The following ANK3 variants were observed in gnomAD, a reference collection of about 807,000 sequenced individuals.
The protein encoded by ANK3 is ankyrin 3.
Under a neutral mutation model 370.9 loss-of-function variants are expected in ANK3, and 57 were observed. That is an observed-to-expected ratio of 0.15 (90% CI 0.12 to 0.19). The LOEUF is 0.19. Ranked by LOEUF, ANK3 falls within the 10% of genes least tolerant of loss-of-function variation. The pLI, the probability that ANK3 is intolerant of heterozygous loss-of-function variation, is 1.00. For synonymous variants in ANK3, 1,929 were observed against 1,946.3 expected (o/e 0.99, Z 0.23); for missense variants, 4,439 against 5,302.1 (o/e 0.84, Z 5.06).
chr10:60,622,780 C>G (rs915664789), intron 1 of ANK3, among the ~76,000 whole-genome samples: 3 of 152,066 alleles, frequency 2.0e-5, no homozygotes, highest in Non-Finnish European at 1.5e-5. Flanking sequence ...GAGCATAGAT[C>G]TGAAGTTAAG....
Position 60,108,872 on chromosome 10 carries a change from C to T in ANK3, c.3131G>A (p.Ser1044Asn). 1 of 1,614,130 alleles carries T rather than the reference C, an allele frequency of 6.2e-7. No homozygotes were observed. The highest frequency in any genetic ancestry group is 2.2e-5 in the East Asian group (1 of 44,878). Residue 1044 changes from serine to asparagine, a missense_variant, in exon 27 of 44, where the codon AGT (serine) becomes AAT (asparagine). Physicochemically the swap from Ser to Asn is conservative, Grantham distance 46. Transcript: ENST00000280772. ...TGCAGGACCCATTTCTACCAGCCTA[C>T]TGGCTAATCCCTCTCCTTCCACCAT... is the stretch of plus-strand genomic sequence containing the variant. ...PPMVEGEGLA[S>N]RLVEMGPAGA...
intron 15 of ANK3, 28 bp from the exon 16 acceptor site, chr10:60,196,271 A>C: frequency 6.3e-7 from 1 of 1,593,870 alleles, no homozygotes; most frequent in Non-Finnish European, 8.6e-7. Flanking sequence ...AACAACAACC[A>C]GTGTCAAAGG....
intron 2 of ANK3, among the ~76,000 whole-genome samples, chr10:60,603,044 G>T (rs760480828): frequency 8.6e-5 from 13 of 152,036 alleles, no homozygotes; most frequent in South Asian, 8.3e-4. Flanking sequence ...TGCTCCACTC[G>T]TCTTGAAACA....
At chr10:60,222,242 C>T (rs1319686104) in intron 8 of ANK3, among the ~76,000 whole-genome samples, 1 of 152,154 alleles carries the variant, frequency 6.6e-6, no homozygotes. Context: ...CCTGGCTGCA[C>T]AGGCAGCGCT....
At chr10:60,044,322 A>G in intron 42 of ANK3, 1 of 984,100 alleles carries the variant, frequency 1.0e-6, no homozygotes, top group Non-Finnish European at 1.2e-6. Flanking sequence ...TGACAGATTC[A>G]CCAGGAATGT....
At chr10:60,401,906 C>T (rs527740496) in intron 2 of ANK3, among the ~76,000 whole-genome samples, 24 of 152,124 alleles carry the variant, frequency 1.6e-4, no homozygotes, top group Non-Finnish European at 2.5e-4. Flanking sequence ...CCTGACTTAA[C>T]GGCTAGGCTA....
At chr10:60,211,298 G>T (rs1457665888) in intron 9 of ANK3, among the ~76,000 whole-genome samples, 1 of 151,936 alleles carries the variant, frequency 6.6e-6, no homozygotes. Context: ...CAGACTCAAG[G>T]GCCCAGGCAG....
intron 14 of ANK3, 74 bp from the exon 15 acceptor site, chr10:60,196,699 A>G: frequency 1.1e-6 from 1 of 909,484 alleles, no homozygotes; most frequent in Non-Finnish European, 1.7e-6. Flanking sequence ...ACCCAAACCA[A>G]ACAACAAACA....
chr10:60,243,793 G>A (rs912336839), intron 7 of ANK3, among the ~76,000 whole-genome samples: 4 of 152,154 alleles, frequency 2.6e-5, no homozygotes, highest in East Asian at 1.9e-4. Flanking sequence ...AAGACATGGC[G>A]ATCTAAAGTA....
intron 1 of ANK3, among the ~76,000 whole-genome samples, chr10:60,378,594 G>A (rs2061124404): frequency 6.6e-6 from 1 of 152,082 alleles, no homozygotes; most frequent in African/African-American, 2.4e-5. Context: ...GCTCATTGGG[G>A]AAAGGAGAAT....
At chr10:60,509,931 C>T (rs577713222) in intron 2 of ANK3, among the ~76,000 whole-genome samples, 2 of 152,036 alleles carry the variant, frequency 1.3e-5, no homozygotes, top group African/African-American at 4.8e-5. Flanking sequence ...TGGCATCAGA[C>T]CTCCTTTCAA....
At chr10:60,085,637 C>T (rs529944612) in intron 30 of ANK3, among the ~76,000 whole-genome samples, 3 of 117,104 alleles carry the variant, frequency 2.6e-5, no homozygotes, top group South Asian at 2.8e-4. Flanking sequence ...TTTTTTGAGA[C>T]GGAGTCTCGC....
At chr10:60,436,047 C>G (rs917518300) in intron 2 of ANK3, among the ~76,000 whole-genome samples, 1 of 149,426 alleles carries the variant, frequency 6.7e-6, no homozygotes, top group African/African-American at 2.5e-5. Context: ...GAGATCGCGC[C>G]ACAGCACTCC....
intron 2 of ANK3, among the ~76,000 whole-genome samples, chr10:60,467,362 G>C (rs980513128): frequency 1.1e-4 from 17 of 152,054 alleles, no homozygotes; most frequent in South Asian, 4.1e-4. Flanking sequence ...CACTCTAGAA[G>C]TTTCATTTCA....
At chr10:60,491,615 G>T (rs2075508028) in intron 2 of ANK3, among the ~76,000 whole-genome samples, 1 of 152,170 alleles carries the variant, frequency 6.6e-6, no homozygotes, top group South Asian at 2.1e-4. Context: ...TATAGTTGGG[G>T]AACTTAGACA....
chr10:60,662,616 A>G (rs1460363774), intron 1 of ANK3, among the ~76,000 whole-genome samples: 2 of 152,198 alleles, frequency 1.3e-5, no homozygotes. Flanking sequence ...TATAAAATAT[A>G]CTGACCGATT....
At chr10:60,218,069 T>TTGCAACCCC (rs1244839191) in intron 8 of ANK3, among the ~76,000 whole-genome samples, 1 of 151,766 alleles carries the variant, frequency 6.6e-6, no homozygotes, top group Admixed American at 6.6e-5. Flanking sequence ...GAGACTAGGA[T>TTGCAACCCC]TGCAACCCCT....
intron 2 of ANK3, among the ~76,000 whole-genome samples, chr10:60,584,235 A>G (rs929634590): frequency 6.6e-6 from 1 of 152,186 alleles, no homozygotes; most frequent in Non-Finnish European, 1.5e-5. Context: ...TAAATAGTAA[A>G]TGGCTTATTA....
intron 12 of ANK3, among the ~76,000 whole-genome samples, chr10:60,202,284 G>A (rs993885955): frequency 6.6e-6 from 1 of 151,936 alleles, no homozygotes; most frequent in Admixed American, 6.6e-5. Flanking sequence ...ACCATGCCTG[G>A]CTAATTTTGT....
Sources: gnomAD v4.1 joint callset for allele counts (sites outside exome capture counted in the v4.1 genomes callset) on GRCh38, gnomAD v4.1.1 for gene constraint, MANE v1.5 for transcripts, NCBI Gene and HGNC (gene_info 2026-07-23, HGNC 2026-07-21) for gene names.